The following DSCAM variants were observed in gnomAD, a reference collection of about 807,000 sequenced individuals.
DSCAM encodes the protein cell adhesion molecule DSCAM.
A neutral mutation model predicts 217.7 loss-of-function variants in DSCAM; 47 were observed. The ratio of observed to expected loss-of-function variants is 0.22; its 90% confidence interval spans 0.17 to 0.28. DSCAM has a LOEUF of 0.28. Ranked by LOEUF, DSCAM falls within the 10% of genes least tolerant of loss-of-function variation. DSCAM has a pLI of 1.00. For synonymous variants in DSCAM, 1,056 were observed against 1,015.3 expected (o/e 1.04, Z -0.76); for missense variants, 2,080 against 2,618.3 (o/e 0.79, Z 4.49).
chr21:40,057,361 T>C (rs2146508804), intron 28 of DSCAM, among the ~76,000 whole-genome samples: 1 of 152,300 alleles, frequency 6.6e-6, no homozygotes, highest in South Asian at 2.1e-4. Context: ...TTTTGGTTAC[T>C]TGGGGGGCTG....
In DSCAM at chr21:40,529,703, G is replaced by C. The variant is rs552688975; in HGVS notation, c.509-160458C>G. Among the ~76,000 whole-genome samples the C allele has an allele frequency of 3.3e-5, 5 of 152,216 alleles. 1 individual carries two copies. Among genetic ancestry groups the C allele is most frequent in the African/African-American group, 1.2e-4 (5 of 41,560 alleles). ...ATAAGAATGTTCCAGACGTGACTTT[G>C]AGTTTGGAAGAATGTACATAACCAC... On this transcript the variant is annotated intron_variant, in intron 3 of 32. Transcript: ENST00000400454.
chr21:40,022,273 T>C (rs931492525), intron 32 of DSCAM, among the ~76,000 whole-genome samples: 7 of 152,260 alleles, frequency 4.6e-5, no homozygotes, highest in Admixed American at 1.3e-4. Flanking sequence ...GGTGACACTA[T>C]TGATACCTAT....
intron 3 of DSCAM, among the ~76,000 whole-genome samples, chr21:40,583,729 C>T (rs913300537): frequency 6.6e-6 from 1 of 152,044 alleles, no homozygotes; most frequent in African/African-American, 2.4e-5. Flanking sequence ...ACTATGTCCA[C>T]TGGGTAATAA....
chr21:40,261,652 T>TACACAC (rs71186922), intron 11 of DSCAM, among the ~76,000 whole-genome samples: 230 of 133,508 alleles, frequency 1.7e-3, no homozygotes, highest in Middle Eastern at 7.3e-3. Context: ...TCTCTCTCTC[T>TACACAC]ACACACACAC....
intron 3 of DSCAM, among the ~76,000 whole-genome samples, chr21:40,437,245 C>T (rs1481296359): frequency 6.6e-6 from 1 of 152,130 alleles, no homozygotes. Context: ...CATTCAGGAC[C>T]ATTTTCAAGC....
chr21:40,338,388 C>A lies in DSCAM; in HGVS notation c.1508-12G>T. 6.2e-7 allele frequency: 1 copy of A among 1,603,318 alleles called. No individual in the cohort carries two copies. ...AATGCTTGCAGGCCCTGGAGAGACACAAAGAAACTCTTGAAAATAATTTAA... is the reference window on the plus strand; with the variant it reads ...AATGCTTGCAGGCCCTGGAGAGACAAAAAGAAACTCTTGAAAATAATTTAA... On this transcript the variant is annotated splice_polypyrimidine_tract_variant and intron_variant, in intron 7 of 32. Coordinates refer to ENST00000400454, the MANE Select transcript of DSCAM (RefSeq NM_001389.5).
intron 20 of DSCAM, among the ~76,000 whole-genome samples, chr21:40,094,769 TAGAG>T (rs1568937472): frequency 3.3e-5 from 5 of 152,266 alleles, no homozygotes; most frequent in South Asian, 2.1e-4. Flanking sequence ...AGGCAAGACT[TAGAG>T]AGAACAAATT....
intron 3 of DSCAM, among the ~76,000 whole-genome samples, chr21:40,668,748 A>G (rs1378379740): frequency 6.6e-6 from 1 of 152,336 alleles, no homozygotes; most frequent in Non-Finnish European, 1.5e-5. Flanking sequence ...AGTGAGCTGC[A>G]TGTCATATCA....
At chr21:40,575,415 T>C (rs1373961494) in intron 3 of DSCAM, among the ~76,000 whole-genome samples, 1 of 151,852 alleles carries the variant, frequency 6.6e-6, no homozygotes, top group African/African-American at 2.4e-5. Context: ...ATGAAACATA[T>C]ATAATTAAGA....
At chr21:40,524,558 T>C (rs1281604112) in intron 3 of DSCAM, among the ~76,000 whole-genome samples, 1 of 152,214 alleles carries the variant, frequency 6.6e-6, no homozygotes, top group Non-Finnish European at 1.5e-5. Context: ...TACAAACTCT[T>C]GGTACACATG....
At chr21:40,768,840 A>G (rs1360786283) in intron 1 of DSCAM, among the ~76,000 whole-genome samples, 1 of 152,236 alleles carries the variant, frequency 6.6e-6, no homozygotes, top group African/African-American at 2.4e-5. Context: ...CCTCGGATAT[A>G]GCATAGGGGT....
chr21:40,124,844 A>C (rs1056211121), intron 19 of DSCAM, among the ~76,000 whole-genome samples: 1 of 152,166 alleles, frequency 6.6e-6, no homozygotes, highest in South Asian at 2.1e-4. Flanking sequence ...TCTAGGACCT[A>C]ATACAGTCAG....
intron 9 of DSCAM, among the ~76,000 whole-genome samples, chr21:40,298,114 A>G: frequency 7.3e-6 from 1 of 137,680 alleles, no homozygotes; most frequent in East Asian, 2.3e-4. Context: ...ATGGAGTCTT[A>G]CTCTGTTGCC....
rs1394604945 is a variant in DSCAM, at chr21:40,030,929, T to C, written c.5686+11442A>G. ...TGTACATGGGGTCTTCTGCAGCCAC[T>C]ACCCTGCAACCATCCTCCTGCCACT... On this transcript the variant is annotated intron_variant, in intron 32 of 32. Coordinates refer to ENST00000400454, the MANE Select transcript of DSCAM (RefSeq NM_001389.5). Among the ~76,000 whole-genome samples the C allele has an allele frequency of 2.0e-5, 3 of 152,278 alleles. No homozygotes were observed. The East Asian group carries it at 5.8e-4, about 29-fold the overall frequency.
At position 40,078,574 on chromosome 21, in the gene DSCAM, C is replaced by A. The variant is rs1028272464; in HGVS notation, c.4711+113G>T. 4 of 1,402,130 alleles carry A rather than the reference C, an allele frequency of 2.9e-6. No homozygotes were observed. The African/African-American group carries it at 4.3e-5, about 15-fold the overall frequency. 86.9% of individuals were successfully genotyped at this position (1,402,130 alleles called of 1,614,324 possible). The stretch of plus-strand genomic sequence containing the variant: ...TTGAATCCCGAAAGCCTAATGGGCT[C>A]CGTGGGCACTGGTCAAACTATGGCA... On this transcript the variant is annotated intron_variant, in intron 26 of 32. Coordinates refer to ENST00000400454, the MANE Select transcript of DSCAM (RefSeq NM_001389.5).
chr21:40,342,646 ATAT>A (rs1272741981), intron 6 of DSCAM, among the ~76,000 whole-genome samples: 2 of 83,610 alleles, frequency 2.4e-5, no homozygotes, highest in African/African-American at 1.0e-4. Flanking sequence ...ATATATATAT[ATAT>A]TTTTTTTTTT....
chr21:40,373,655 G>A (rs1728040266), intron 3 of DSCAM, among the ~76,000 whole-genome samples: 1 of 152,160 alleles, frequency 6.6e-6, no homozygotes, highest in Non-Finnish European at 1.5e-5. Context: ...CATCATTAAT[G>A]TGCTTGTTCA....
chr21:40,033,004 T>C (rs184503959), intron 32 of DSCAM, among the ~76,000 whole-genome samples: 1 of 152,306 alleles, frequency 6.6e-6, no homozygotes, highest in Non-Finnish European at 1.5e-5. Flanking sequence ...CAAACTGCTT[T>C]GGAATATCTG....
intron 2 of DSCAM, among the ~76,000 whole-genome samples, chr21:40,700,720 AT>A (rs1219180479): frequency 6.7e-6 from 1 of 148,362 alleles, no homozygotes; most frequent in Non-Finnish European, 1.5e-5. Context: ...TATAATTTTT[AT>A]TCTTTCTTTC....
Sources: gnomAD v4.1 joint callset for allele counts (sites outside exome capture counted in the v4.1 genomes callset) on GRCh38, gnomAD v4.1.1 for gene constraint, MANE v1.5 for transcripts, NCBI Gene and HGNC (gene_info 2026-07-23, HGNC 2026-07-21) for gene names.